BAHD1: variants seen among roughly 807,000 people sequenced by gnomAD.
BAHD1 encodes the protein bromo adjacent homology domain-containing 1 protein.
In BAHD1, 20 loss-of-function variants were observed where a neutral mutation model predicts 63.1. The observed-to-expected ratio is 0.32, with a 90% CI of 0.22 to 0.46. The LOEUF (loss-of-function observed/expected upper bound fraction) is 0.46, where lower values mean the gene tolerates loss of function less well. BAHD1 is among the 20% of genes least tolerant of loss of function. BAHD1 has a pLI of 1.00. For synonymous variants in BAHD1, 408 were observed against 426.8 expected (o/e 0.96, Z 0.54); for missense variants, 939 against 1,071.8 (o/e 0.88, Z 1.73).
At chr15:40,449,336 G>A (rs73387090) in intron 1 of BAHD1, among the ~76,000 whole-genome samples, 2,236 of 152,288 alleles carry the variant, frequency 0.015, 62 homozygotes, top group African/African-American at 0.051. Context: ...AGGGTGTCTG[G>A]GGACTGATAA....
Position 40,458,550 on chromosome 15 carries a change from A to G in BAHD1, c.86A>G (p.Asn29Ser). 6.2e-7 allele frequency: 1 copy of G among 1,613,924 alleles called. No homozygotes were observed. The highest frequency in any genetic ancestry group is 1.6e-4 in the Middle Eastern group (1 of 6,062). ...GAGCCCCTGCAGATGGAAGACAGCA[A>G]CATGGAGCAGGGGGTTGAGGGTGTG... ...RREPLQMEDS[N>S]MEQGVEGVEP... is the part of the protein sequence containing the mutation. The change falls in exon 2 of 7, where the codon AAC (asparagine) becomes AGC (serine). Residue 29 changes from asparagine to serine, a missense_variant. Asn to Ser is a conservative substitution (Grantham distance 46, BLOSUM62 1). Transcript: ENST00000416165. The surrounding 1 kb of genome is among the most constrained non-coding windows in gnomAD (Gnocchi z 4.7).
chr15:40,443,863 C>A (rs1306760423), intron 1 of BAHD1, among the ~76,000 whole-genome samples: 1 of 152,156 alleles, frequency 6.6e-6, no homozygotes, highest in Non-Finnish European at 1.5e-5. Context: ...AGTGTCCCCT[C>A]CAGCTCTTCC....
At chr15:40,441,734 C>A (rs1050089699) in intron 1 of BAHD1, among the ~76,000 whole-genome samples, 1 of 149,606 alleles carries the variant, frequency 6.7e-6, no homozygotes, top group African/African-American at 2.4e-5. Flanking sequence ...GCGCCCCCTC[C>A]CCCATCGCGG....
At chr15:40,460,458 G>A (rs1894006044) in intron 2 of BAHD1, among the ~76,000 whole-genome samples, 1 of 152,168 alleles carries the variant, frequency 6.6e-6, no homozygotes, top group South Asian at 2.1e-4. Context: ...TGCCCAGACT[G>A]AGCATCACTT....
At chr15:40,443,840 T>A (rs1431726425) in intron 1 of BAHD1, among the ~76,000 whole-genome samples, 1 of 152,164 alleles carries the variant, frequency 6.6e-6, no homozygotes, top group African/African-American at 2.4e-5. Flanking sequence ...TTCCCTGCAG[T>A]CTGACCCTAG....
intron 1 of BAHD1, among the ~76,000 whole-genome samples, chr15:40,451,084 C>A (rs1893685418): frequency 7.7e-6 from 1 of 129,904 alleles, no homozygotes; most frequent in Non-Finnish European, 1.5e-5. Flanking sequence ...GCGGAGGTTG[C>A]AGTGAGCCGA....
Position 40,462,108 on chromosome 15 carries a change from C to A in BAHD1, c.1629C>A (p.Ser543Arg). The change falls in exon 3 of 7, where the codon AGC (serine) becomes AGA (arginine). Residue 543 changes from serine (S) to arginine (R), a missense_variant. This residue lies in a region of BAHD1 where 797 missense variants were observed against 813.3 expected (regional missense o/e 0.98). Transcript: ENST00000416165. ...RACPQSAKPP[S>R]GSKSGLRTGS... ...GCCCTCAGAGCGCCAAACCTCCCAG[C>A]GGTTCTAAGTCAGGTCTGCGCACAG... 6.2e-7 allele frequency: 1 copy of A among 1,613,024 alleles called. No individual in the cohort carries two copies. The highest frequency in any genetic ancestry group is 8.5e-7 in the Non-Finnish European group (1 of 1,179,954).
rs573943346 is a variant in BAHD1, at chr15:40,459,258, G to A, written c.794G>A (p.Ser265Asn). The change falls in exon 2 of 7, where the codon AGC becomes AAC. Residue 265 changes from serine to asparagine, a missense_variant. Transcript: ENST00000416165. ...TATCCCAAGGCTTGGCAGGGGGCCAGCTCTGGGGAGGCTGCAGGCCCACCT... is the reference window on the plus strand; with the variant it reads ...TATCCCAAGGCTTGGCAGGGGGCCAACTCTGGGGAGGCTGCAGGCCCACCT... Reference protein sequence around the residue: ...KNYPKAWQGASSGEAAGPPGW... With the variant: ...KNYPKAWQGANSGEAAGPPGW... The A allele has an allele frequency of 2.2e-5, 35 of 1,612,688 alleles. No individual in the cohort carries two copies. The African/African-American group carries it at 3.9e-4, about 18-fold the overall frequency.
intron 1 of BAHD1, among the ~76,000 whole-genome samples, chr15:40,442,530 C>G (rs1158475179): frequency 6.6e-5 from 10 of 152,146 alleles, no homozygotes; most frequent in Admixed American, 6.5e-4. Flanking sequence ...AGGGGTTTTT[C>G]AACAAGCAGA....
chr15:40,467,254 T>C lies in BAHD1; in HGVS notation c.*1124T>C, dbSNP rs542950636. 1 of 152,792 alleles carries C rather than the reference T, an allele frequency of 6.5e-6. No individual in the cohort carries two copies. The highest frequency in any genetic ancestry group is 2.1e-4 in the South Asian group (1 of 4,826). The allele number at this position is 152,792 out of a possible 1,614,324, so 9.5% of individuals were successfully genotyped here. ...TCTCACCTCATGCTGCTCCCCAGAG[T>C]AGACTAACAGGCTCAGTCCCCTGTT... On this transcript the variant is annotated 3_prime_UTR_variant, in exon 7 of 7. Transcript: ENST00000416165.
chr15:40,461,657 G>A (rs532543672), intron 2 of BAHD1, among the ~76,000 whole-genome samples: 101 of 151,928 alleles, frequency 6.6e-4, no homozygotes, highest in African/African-American at 2.1e-3. Flanking sequence ...AAAAAAGTTC[G>A]GAGTTAAAAA....
At chr15:40,449,953 A>T (rs571123646) in intron 1 of BAHD1, among the ~76,000 whole-genome samples, 39 of 152,198 alleles carry the variant, frequency 2.6e-4, no homozygotes, top group African/African-American at 8.9e-4. Flanking sequence ...CTGGGGATGG[A>T]GGAGAGTTTG....
chr15:40,466,516 C>G lies in BAHD1; in HGVS notation c.*386C>G, dbSNP rs1894214210. 5.8e-6 allele frequency: 1 copy of G among 173,710 alleles called. No homozygotes were observed. The allele number at this position is 173,710 out of a possible 1,614,324, so 10.8% of individuals were successfully genotyped here. A position where few individuals can be genotyped will look rare whatever the true frequency, so the allele number is the denominator to read the frequency against. ...CAACAGGCCCTTCTGTAGCCTCCCC[C>G]TTGCCCTCAAAGGGGGAGTGGGGGC... On this transcript the variant is annotated 3_prime_UTR_variant, in exon 7 of 7. Transcript: ENST00000416165.
chr15:40,443,511 A>G (rs1353804584), intron 1 of BAHD1, among the ~76,000 whole-genome samples: 1 of 152,086 alleles, frequency 6.6e-6, no homozygotes, highest in East Asian at 1.9e-4. Context: ...TATGAAGGGG[A>G]GTTGCCCAAA....
rs1164094749 is a variant in BAHD1 at position 40,458,138 on chromosome 15, G to A, written c.-14-313G>A. Among the ~76,000 whole-genome samples the A allele has an allele frequency of 6.6e-5, 10 of 152,278 alleles. No individual in the cohort carries two copies. The highest frequency in any genetic ancestry group is 1.3e-4 in the Non-Finnish European group (9 of 68,010). ...GAAGGACAGGGGGAGAGAACAAAGA[G>A]CTTTGCCACCAGCTCCTCCTATCCC... On this transcript the variant is annotated intron_variant, in intron 1 of 6. Transcript: ENST00000416165. The surrounding 1 kb of genome is among the most constrained non-coding windows in gnomAD (Gnocchi z 4.7).
At chr15:40,462,481 G>T (rs1350015961) in intron 3 of BAHD1, among the ~76,000 whole-genome samples, 187 bp downstream of exon 3, 2 of 151,876 alleles carry the variant, frequency 1.3e-5, no homozygotes, top group African/African-American at 2.4e-5. Flanking sequence ...GCCCCCTACT[G>T]ATCCTGTACC....
At chr15:40,442,090 GC>G (rs986085959) in intron 1 of BAHD1, among the ~76,000 whole-genome samples, 1 of 152,170 alleles carries the variant, frequency 6.6e-6, no homozygotes, top group African/African-American at 2.4e-5. Flanking sequence ...TGTGCTCGCG[GC>G]CCGGCCTGGT....
intron 1 of BAHD1, among the ~76,000 whole-genome samples, chr15:40,447,254 G>A (rs1322268248): frequency 6.6e-6 from 1 of 152,098 alleles, no homozygotes; most frequent in South Asian, 2.1e-4. Context: ...ACATTGGCTA[G>A]AATGTAAAAA....
chr15:40,457,761 G>A (rs1392183338), intron 1 of BAHD1, among the ~76,000 whole-genome samples: 2 of 152,250 alleles, frequency 1.3e-5, no homozygotes, highest in Admixed American at 1.3e-4. Context: ...TGTAATCCCA[G>A]CACTGTGGGA....
Sources: gnomAD v4.1 joint callset for allele counts (sites outside exome capture counted in the v4.1 genomes callset) on GRCh38, gnomAD v4.1.1 for gene constraint, gnomAD v4.1.1 regional missense constraint, Gnocchi (gnomAD v3.1) non-coding constraint, MANE v1.5 for transcripts, NCBI Gene and HGNC (gene_info 2026-07-23, HGNC 2026-07-21) for gene names.